Variants in ROR1 observed in about 807,000 individuals in gnomAD.
ROR1 encodes the protein ROR family WNT receptor 1, also known as inactive tyrosine-protein kinase transmembrane receptor ROR1.
A neutral mutation model predicts 78.8 loss-of-function variants in ROR1; 19 were observed. That is an observed-to-expected ratio of 0.24 (90% CI 0.17 to 0.35). The LOEUF is 0.35. Ranked by LOEUF, ROR1 falls within the 10% of genes least tolerant of loss-of-function variation. The probability of loss-of-function intolerance (pLI) is 1.00; values close to 1 mark genes in which losing one functional copy is unlikely to be tolerated. For synonymous variants in ROR1, 386 were observed against 433.6 expected, an observed-to-expected ratio of 0.89 and a Z score of 1.36; for missense variants, 917 against 1,177.8, an observed-to-expected ratio of 0.78 and a Z score of 3.24.
chr1:63,786,153 C>T (rs1289934985), intron 1 of ROR1, among the ~76,000 whole-genome samples: 1 of 150,642 alleles, frequency 6.6e-6, no homozygotes, highest in Non-Finnish European at 1.5e-5. Flanking sequence ...AGTAAAGGTG[C>T]AGAGAAAGTC....
intron 4 of ROR1, among the ~76,000 whole-genome samples, chr1:64,135,357 T>C (rs1003445123): frequency 6.6e-6 from 1 of 152,300 alleles, no homozygotes; most frequent in South Asian, 2.1e-4. Context: ...GATTTATATC[T>C]GGGGGTAATT....
intron 4 of ROR1, among the ~76,000 whole-genome samples, chr1:64,114,416 G>T (rs1307481848): frequency 6.6e-6 from 1 of 152,202 alleles, no homozygotes; most frequent in Non-Finnish European, 1.5e-5. Context: ...TGACTGATGG[G>T]AGAGAGACTC....
intron 5 of ROR1, among the ~76,000 whole-genome samples, chr1:64,138,821 A>G (rs1649208088): frequency 6.6e-6 from 1 of 152,054 alleles, no homozygotes; most frequent in Admixed American, 6.6e-5. Context: ...TTTCAACCTA[A>G]TGTAAGAATG....
chr1:64,065,415 A>G (rs1646948435), intron 4 of ROR1, among the ~76,000 whole-genome samples: 1 of 152,188 alleles, frequency 6.6e-6, no homozygotes, highest in South Asian at 2.1e-4. Flanking sequence ...AGGACTCACA[A>G]CACTCAAATG....
intron 4 of ROR1, among the ~76,000 whole-genome samples, chr1:64,084,481 A>G (rs962593575): frequency 6.6e-6 from 1 of 152,182 alleles, no homozygotes; most frequent in Admixed American, 6.5e-5. Context: ...AATATATTCA[A>G]CCTTGTGCTA....
rs1041053061 is a variant in ROR1 at position 64,136,537 on chromosome 1, C to T, written c.483-832C>T. ...CCTCGTGGGAGATGGTAGCCTCTGC[C>T]CTTTCAGGTTGAGCCTGCCATCTTG... is the stretch of plus-strand genomic sequence containing the variant. On this transcript the variant is annotated intron_variant, in intron 4 of 8. Coordinates refer to ENST00000371079, the MANE Select transcript of ROR1 (RefSeq NM_005012.4). Among the ~76,000 whole-genome samples, 12 of 151,876 alleles carry T rather than the reference C, an allele frequency of 7.9e-5. No individual in the cohort carries two copies. The South Asian group carries it at 2.5e-3, about 32-fold the overall frequency.
chr1:63,956,497 C>T (rs1299494075), intron 1 of ROR1, among the ~76,000 whole-genome samples: 1 of 152,134 alleles, frequency 6.6e-6, no homozygotes, highest in Non-Finnish European at 1.5e-5. Context: ...GTACATAGCA[C>T]ATTGTAAGCA....
chr1:64,127,934 ACCTTAGATGG>A (rs1479190915), intron 4 of ROR1, among the ~76,000 whole-genome samples: 3 of 152,038 alleles, frequency 2.0e-5, no homozygotes, highest in Admixed American at 6.6e-5. Context: ...ACAGATTTCC[ACCTTAGATGG>A]CCTTTTGCAG....
At chr1:64,120,472 A>G (rs1648489984) in intron 4 of ROR1, among the ~76,000 whole-genome samples, 1 of 152,220 alleles carries the variant, frequency 6.6e-6, no homozygotes, top group Non-Finnish European at 1.5e-5. Flanking sequence ...TTAATGTGTA[A>G]TAAATATAAA....
chr1:63,844,600 G>A (rs1346197509), intron 1 of ROR1, among the ~76,000 whole-genome samples: 1 of 152,154 alleles, frequency 6.6e-6, no homozygotes, highest in Non-Finnish European at 1.5e-5. Context: ...GGGATGAAGG[G>A]TGGAAGGCAG....
Position 64,157,820 on chromosome 1 carries a change from A to G in ROR1, c.1175-1161A>G, listed in dbSNP as rs367878399. ...ACCTAATTTTGTATTCCCAGTACCT[A>G]CAATAGTGCCTGACATGCAGTAGCT... On this transcript the variant is annotated intron_variant, in intron 7 of 8. Coordinates refer to ENST00000371079, the MANE Select transcript of ROR1 (RefSeq NM_005012.4). Among the ~76,000 whole-genome samples, 60 of 152,346 alleles carry G rather than the reference A, an allele frequency of 3.9e-4. 3 individuals carry two copies. The South Asian group carries it at 4.8e-3, about 12-fold the overall frequency.
chr1:64,163,744 G>T (rs1650010984), intron 8 of ROR1, among the ~76,000 whole-genome samples: 1 of 152,104 alleles, frequency 6.6e-6, no homozygotes. Context: ...CTCTGGCCCT[G>T]TCCCTTTTGC....
intron 1 of ROR1, among the ~76,000 whole-genome samples, chr1:63,874,421 G>A (rs1213171449): frequency 6.6e-6 from 1 of 152,076 alleles, no homozygotes; most frequent in Non-Finnish European, 1.5e-5. Flanking sequence ...GTGCAGGACA[G>A]GATACATGAA....
chr1:63,864,474 G>A (rs1645202726), intron 1 of ROR1, among the ~76,000 whole-genome samples: 1 of 152,166 alleles, frequency 6.6e-6, no homozygotes. Context: ...TGGAAATTGT[G>A]TGCCAAATGC....
chr1:63,952,935 A>G (rs140690645), intron 1 of ROR1, among the ~76,000 whole-genome samples: 1 of 152,306 alleles, frequency 6.6e-6, no homozygotes, highest in African/African-American at 2.4e-5. Flanking sequence ...TGCATAGCAA[A>G]CACACTGTTT....
intron 1 of ROR1, among the ~76,000 whole-genome samples, chr1:63,822,878 G>C (rs1644931257): frequency 6.6e-6 from 1 of 151,614 alleles, no homozygotes; most frequent in Non-Finnish European, 1.5e-5. Context: ...CTTTGAAGTG[G>C]AATTATTGAG....
chr1:63,774,183 C>G lies in ROR1; in HGVS notation c.-235C>G, dbSNP rs960757742. 4 of 225,688 alleles carry G rather than the reference C, an allele frequency of 1.8e-5. No homozygotes were observed. Among genetic ancestry groups the G allele is most frequent in the Non-Finnish European group, 3.4e-5 (4 of 116,904 alleles). The allele number at this position is 225,688 out of a possible 1,614,324, so 14.0% of individuals were successfully genotyped here. A position where few individuals can be genotyped will look rare whatever the true frequency, so the allele number is the denominator to read the frequency against. On this transcript the variant is annotated 5_prime_UTR_variant, in exon 1 of 9. Transcript: ENST00000371079. This position sits in a 1 kb window ranked among gnomAD's most constrained non-coding sequence, Gnocchi z 5.7. ...CCCGGACAGCCTGGGACTGACCCGCCGGCCCAGGCGAGGCTGCAGCCAGAG... is the reference window on the plus strand; with the variant it reads ...CCCGGACAGCCTGGGACTGACCCGCGGGCCCAGGCGAGGCTGCAGCCAGAG...
At chr1:63,972,090 G>A (rs1054596817) in intron 1 of ROR1, among the ~76,000 whole-genome samples, 10 of 152,106 alleles carry the variant, frequency 6.6e-5, no homozygotes, top group Non-Finnish European at 4.4e-5. Context: ...TTTTTTCTTA[G>A]CACTCTACTG....
intron 1 of ROR1, among the ~76,000 whole-genome samples, chr1:63,870,640 C>A (rs1163670915): frequency 6.6e-6 from 1 of 152,156 alleles, no homozygotes; most frequent in Non-Finnish European, 1.5e-5. Flanking sequence ...TTGACTTGGG[C>A]TGAATGTGTC....
Sources: allele counts gnomAD v4.1 joint callset (sites outside exome capture counted in the v4.1 genomes callset), GRCh38; gene constraint gnomAD v4.1.1; non-coding constraint Gnocchi (gnomAD v3.1); transcripts MANE v1.5; gene names NCBI Gene and HGNC (gene_info 2026-07-23, HGNC 2026-07-21).